The following RAB9B variants were observed in gnomAD, a reference collection of about 807,000 sequenced individuals.
The protein encoded by RAB9B is RAB9B, member RAS oncogene family, also known as ras-related protein Rab-9B.
A neutral mutation model predicts 8.9 loss-of-function variants in RAB9B; 1 was observed. The ratio of observed to expected loss-of-function variants is 0.11; its 90% confidence interval spans 0.04 to 0.53. The LOEUF (loss-of-function observed/expected upper bound fraction) is 0.53, where lower values mean the gene tolerates loss of function less well. Ranked by LOEUF, RAB9B falls within the 20% of genes least tolerant of loss-of-function variation. The pLI is 0.93. For missense variants in RAB9B, 82 were observed against 152.9 expected (o/e 0.54, Z 2.45); for synonymous variants, 63 against 57.0 (o/e 1.10, Z -0.47).
At chrX:103,817,457 A>G (rs2074643653), downstream of RAB9B, among the ~76,000 whole-genome samples, 1 of 110,452 alleles carries the variant, frequency 9.1e-6, no homozygotes, top group Admixed American at 9.7e-5. Context: ...GAGGGATAAC[A>G]TTAGGAGAAC....
At chrX:103,798,592 C>T in the RAB9B span, among the ~76,000 whole-genome samples, 8 of 110,702 alleles carry the variant, frequency 7.2e-5, no homozygotes, top group African/African-American at 2.6e-4. Flanking sequence ...TGAAATTTGA[C>T]TATCAAATTT....
the RAB9B span, among the ~76,000 whole-genome samples, chrX:103,813,745 C>CAAAAAAAA: frequency 0.017 from 143 of 8,541 alleles, 51 homozygotes; most frequent in East Asian, 0.029. Context: ...AAATGGAAAG[C>CAAAAAAAA]AAAAAAAAAA....
the RAB9B span, among the ~76,000 whole-genome samples, chrX:103,797,027 GAATAAAA>G: frequency 9.7e-5 from 10 of 103,461 alleles, no homozygotes; most frequent in South Asian, 4.7e-3. Flanking sequence ...ACCCTGTCTT[GAATAAAA>G]AATAAAACAA....
the RAB9B span, among the ~76,000 whole-genome samples, chrX:103,808,035 G>A: frequency 2.0e-4 from 22 of 111,819 alleles, no homozygotes; most frequent in African/African-American, 6.5e-4. Context: ...GAGCCAGAGT[G>A]GGGGAGAGAA....
chrX:103,820,981 C>CAT (rs35541183), downstream of RAB9B, among the ~76,000 whole-genome samples: 1 of 18,086 alleles, frequency 5.5e-5, no homozygotes, highest in Non-Finnish European at 1.1e-4. Context: ...CACACACACA[C>CAT]ATACACACAC....
chrX:103,797,711 G>A, the RAB9B span, among the ~76,000 whole-genome samples: 1 of 111,251 alleles, frequency 9.0e-6, no homozygotes, highest in Admixed American at 9.6e-5. Flanking sequence ...CTGACCTATA[G>A]TTGGCAGATG....
intron 1 of RAB9B, among the ~76,000 whole-genome samples, chrX:103,831,822 T>C (rs1366808609): frequency 9.0e-6 from 1 of 110,515 alleles, no homozygotes; most frequent in Non-Finnish European, 1.9e-5. Flanking sequence ...CACGGAGCCC[T>C]GCGCCTCTCT....
the RAB9B span, among the ~76,000 whole-genome samples, chrX:103,814,537 G>C: frequency 1.5e-4 from 17 of 110,740 alleles, no homozygotes; most frequent in African/African-American, 5.6e-4. Context: ...ACTAGAAAAG[G>C]AAGAGCAAAC....
the RAB9B span, chrX:103,776,826 T>C: frequency 2.0e-6 from 1 of 511,452 alleles, no homozygotes; most frequent in Non-Finnish European, 3.3e-6. Flanking sequence ...GGGTTGGCTG[T>C]CAATCAGAAA....
chrX:103,807,822 G>A, the RAB9B span, among the ~76,000 whole-genome samples: 1 of 111,959 alleles, frequency 8.9e-6, no homozygotes, highest in Non-Finnish European at 1.9e-5. Flanking sequence ...GGTGACCATG[G>A]TGCTCATCTG....
downstream of RAB9B, among the ~76,000 whole-genome samples, chrX:103,819,789 G>A (rs1037091817): frequency 8.9e-6 from 1 of 111,999 alleles, no homozygotes; most frequent in African/African-American, 3.2e-5. Flanking sequence ...GGAAACTTGA[G>A]GAAATTAAAA....
chrX:103,799,987 A>G, the RAB9B span, among the ~76,000 whole-genome samples: 2 of 111,410 alleles, frequency 1.8e-5, no homozygotes, highest in Non-Finnish European at 3.8e-5. Context: ...AGTCTAAAAC[A>G]TCTTCCTGAT....
At chrX:103,817,432 G>T (rs777786016), downstream of RAB9B, among the ~76,000 whole-genome samples, 12 of 110,563 alleles carry the variant, frequency 1.1e-4, no homozygotes, top group South Asian at 2.0e-3. Flanking sequence ...GCCTGTCAAG[G>T]GTTGGGGGCT....
chrX:103,798,297 A>G, the RAB9B span, among the ~76,000 whole-genome samples: 2 of 112,256 alleles, frequency 1.8e-5, no homozygotes, highest in Non-Finnish European at 3.8e-5. Context: ...GTTTTATTTG[A>G]TAATATATAC....
At chrX:103,807,545 ACTCTT>A in the RAB9B span, among the ~76,000 whole-genome samples, 1 of 111,563 alleles carries the variant, frequency 9.0e-6, no homozygotes, top group African/African-American at 3.3e-5. Context: ...CTGTCAAGGG[ACTCTT>A]CTCTGAAAGA....
In RAB9B at chrX:103,825,384, G is replaced by A; in HGVS notation, c.401C>T (p.Thr134Ile). The A allele has an allele frequency of 8.3e-7, 1 of 1,211,795 alleles. No homozygotes were observed. The highest frequency in any genetic ancestry group is 1.1e-6 in the Non-Finnish European group (1 of 895,485). ...GCACCAGGTTTGTGCCTCCTCAGTA[G>A]TCACTTGCCTATCCTCTTTGTCTAC... ...NKVDKEDRQVTTEEAQTWCME... is the reference protein window; with the variant it reads ...NKVDKEDRQVITEEAQTWCME... Residue 134 changes from threonine to isoleucine, a missense_variant, in exon 3 of 3, where the codon ACT becomes ATT. Coordinates refer to ENST00000243298, the MANE Select transcript of RAB9B (RefSeq NM_016370.4).
chrX:103,785,634 G>T, the RAB9B span: 2 of 1,209,599 alleles, frequency 1.7e-6, no homozygotes, highest in Non-Finnish European at 2.2e-6. Flanking sequence ...TTGCTTCCCT[G>T]GTGGCCACTG....
the RAB9B span, among the ~76,000 whole-genome samples, chrX:103,803,981 A>G: frequency 8.9e-6 from 1 of 112,885 alleles, no homozygotes; most frequent in Admixed American, 9.3e-5. Context: ...GCTTTGAAGC[A>G]AAAAAGTATT....
chrX:103,815,546 C>T, the RAB9B span, among the ~76,000 whole-genome samples: 3 of 112,133 alleles, frequency 2.7e-5, no homozygotes, highest in Non-Finnish European at 5.6e-5. Flanking sequence ...CCTCTCTCAC[C>T]ACTCCTATTC....
Sources: allele counts gnomAD v4.1 joint callset (sites outside exome capture counted in the v4.1 genomes callset), GRCh38; gene constraint gnomAD v4.1.1; transcripts MANE v1.5; gene names NCBI Gene and HGNC (gene_info 2026-07-23, HGNC 2026-07-21).